SRGAP2C: variants seen among roughly 807,000 people sequenced by gnomAD.
SRGAP2C encodes the protein SLIT-ROBO Rho GTPase activating protein 2C, also known as SLIT-ROBO Rho GTPase-activating protein 2C.
SRGAP2C carries 15 observed loss-of-function variants against 25.1 expected under a neutral mutation model. The observed-to-expected ratio is 0.60, with a 90% CI of 0.40 to 0.92. The LOEUF (loss-of-function observed/expected upper bound fraction) is 0.92. SRGAP2C is among the 40% of genes least tolerant of loss of function. SRGAP2C has a pLI of 0.00. For synonymous variants in SRGAP2C, 44 were observed against 96.6 expected, an observed-to-expected ratio of 0.46 and a Z score of 3.19; for missense variants, 144 against 264.4, an observed-to-expected ratio of 0.54 and a Z score of 3.16.
chr1:121,370,588 C>A (rs1198716157), intron 5 of SRGAP2C, among the ~76,000 whole-genome samples: 27 of 149,968 alleles, frequency 1.8e-4, no homozygotes, highest in African/African-American at 6.6e-4. Flanking sequence ...ACTACAGGCA[C>A]CCGCCACCAC....
chr1:121,213,305 C>T, intron 2 of SRGAP2C, among the ~76,000 whole-genome samples: 1 of 150,450 alleles, frequency 6.6e-6, no homozygotes, highest in East Asian at 2.0e-4. Context: ...CTCTGCCTCC[C>T]AAAGTGTTGG....
At chr1:121,308,597 T>A (rs1360778328) in intron 3 of SRGAP2C, among the ~76,000 whole-genome samples, 1 of 151,644 alleles carries the variant, frequency 6.6e-6, no homozygotes, top group Non-Finnish European at 1.5e-5. Flanking sequence ...ACCATGGTCA[T>A]GCCCCTGTAC....
chr1:121,203,184 ACATT>A (rs1388820383), intron 2 of SRGAP2C, among the ~76,000 whole-genome samples: 1 of 151,842 alleles, frequency 6.6e-6, no homozygotes, highest in Admixed American at 6.6e-5. Context: ...TTTGGAGGGG[ACATT>A]CAAACAATAG....
intron 2 of SRGAP2C, among the ~76,000 whole-genome samples, chr1:121,249,574 ATATATATTTTTTTT>A (rs1445307346): frequency 9.7e-4 from 20 of 20,518 alleles, no homozygotes; most frequent in African/African-American, 3.4e-3. Context: ...ATATATATAT[ATATATATTTTTTTT>A]TTTTTTTTTT....
intron 3 of SRGAP2C, among the ~76,000 whole-genome samples, chr1:121,315,501 C>T (rs1658077216): frequency 3.3e-5 from 5 of 151,470 alleles, no homozygotes; most frequent in African/African-American, 7.3e-5. Flanking sequence ...GACCTGAACT[C>T]GCTAATTTGA....
chr1:121,379,255 G>A (rs1224275927), intron 7 of SRGAP2C, among the ~76,000 whole-genome samples: 56 of 152,188 alleles, frequency 3.7e-4, no homozygotes, highest in Admixed American at 1.8e-3. Context: ...GCCTTGTGGA[G>A]TCTCTGGGTG....
Position 121,279,452 on chromosome 1 carries a change from T to C in SRGAP2C, c.68-5351T>C, listed in dbSNP as rs1415505124. Among the ~76,000 whole-genome samples the C allele has an allele frequency of 1.1e-4, 16 of 148,848 alleles. No individual in the cohort carries two copies. The Admixed American group carries it at 1.1e-3, about 10-fold the overall frequency. On this transcript the variant is annotated intron_variant, in intron 2 of 9. Coordinates refer to ENST00000367123, the MANE Select transcript of SRGAP2C (RefSeq NM_001329984.2). Reference sequence around the variant, plus strand: ...GCAGTTTTCAGAGGACTGTGTCATCTGCATTGGCAGGTGTTGTAATTTGGA... The same window carrying C: ...GCAGTTTTCAGAGGACTGTGTCATCCGCATTGGCAGGTGTTGTAATTTGGA...
intron 2 of SRGAP2C, among the ~76,000 whole-genome samples, chr1:121,213,988 C>A (rs1332334154): frequency 6.9e-6 from 1 of 143,956 alleles, no homozygotes; most frequent in Admixed American, 6.7e-5. Context: ...GTGAGCTAAG[C>A]AGGTCAGAAA....
intron 3 of SRGAP2C, among the ~76,000 whole-genome samples, chr1:121,287,886 C>T (rs1345212017): frequency 3.9e-4 from 59 of 151,978 alleles, no homozygotes; most frequent in African/African-American, 1.4e-3. Flanking sequence ...TCATTCCTCC[C>T]GGTGGGCTTG....
chr1:121,275,057 C>T (rs1657070523), intron 2 of SRGAP2C, among the ~76,000 whole-genome samples: 2 of 149,966 alleles, frequency 1.3e-5, no homozygotes. Context: ...CACCCAAGGT[C>T]TCAAGAGGTC....
chr1:121,306,126 TA>T (rs1657831386), intron 3 of SRGAP2C, among the ~76,000 whole-genome samples: 2 of 152,064 alleles, frequency 1.3e-5, no homozygotes, highest in African/African-American at 4.8e-5. Context: ...GGTACATTTG[TA>T]GGTCAAATAA....
intron 5 of SRGAP2C, among the ~76,000 whole-genome samples, chr1:121,370,443 T>C (rs1161758751): frequency 7.7e-6 from 1 of 130,000 alleles, no homozygotes; most frequent in African/African-American, 2.9e-5. Context: ...GACTTCCTTT[T>C]TTTTTTTTTT....
At chr1:121,267,926 A>G (rs1205350918) in intron 2 of SRGAP2C, among the ~76,000 whole-genome samples, 2 of 151,906 alleles carry the variant, frequency 1.3e-5, no homozygotes, top group African/African-American at 4.8e-5. Context: ...ATTCAAGCAA[A>G]ACTGTAAAGT....
intron 3 of SRGAP2C, among the ~76,000 whole-genome samples, chr1:121,304,147 C>T (rs1553339193): frequency 6.8e-6 from 1 of 146,104 alleles, no homozygotes; most frequent in African/African-American, 2.5e-5. Context: ...GGAGGTGGAG[C>T]TTGCAGTGAG....
rs199814926 is a variant in SRGAP2C at position 121,231,588 on chromosome 1, G to A, written c.67+44075G>A. On this transcript the variant is annotated intron_variant, in intron 2 of 9. Coordinates refer to ENST00000367123, the MANE Select transcript of SRGAP2C (RefSeq NM_001329984.2). ...ATTGGGGTTAAGCCACAGATTTAGC[G>A]TTATTAGTACCACTCTTTAATCATA... 1.8e-3 allele frequency among the ~76,000 whole-genome samples: 277 copies of A among 151,140 alleles called. 6 individuals are homozygous for A. Among genetic ancestry groups the A allele is most frequent in the Non-Finnish European group, 1.8e-3 (122 of 67,938 alleles).
At chr1:121,338,648 CAGTT>C (rs1303435912) in intron 4 of SRGAP2C, among the ~76,000 whole-genome samples, 2 of 123,232 alleles carry the variant, frequency 1.6e-5, no homozygotes, top group Admixed American at 1.8e-4. Flanking sequence ...ATGAAACTTC[CAGTT>C]ATAGATTAAT....
chr1:121,281,550 GGA>G (rs1411001918), intron 2 of SRGAP2C, among the ~76,000 whole-genome samples: 6 of 128,548 alleles, frequency 4.7e-5, no homozygotes, highest in African/African-American at 5.9e-5. Context: ...TTTTTTTCCT[GGA>G]TCAGGGGTGG....
intron 4 of SRGAP2C, among the ~76,000 whole-genome samples, chr1:121,335,271 G>A (rs1306522333): frequency 6.8e-6 from 1 of 147,604 alleles, no homozygotes; most frequent in Non-Finnish European, 1.5e-5. Flanking sequence ...AACCCGGAAG[G>A]TGGAGTTTGC....
At chr1:121,196,398 T>G (rs1390068731) in intron 2 of SRGAP2C, among the ~76,000 whole-genome samples, 2 of 83,402 alleles carry the variant, frequency 2.4e-5, no homozygotes, top group Non-Finnish European at 4.8e-5. Flanking sequence ...TCTCTCTATT[T>G]CACCCACACA....
Sources: gnomAD v4.1 joint callset for allele counts (sites outside exome capture counted in the v4.1 genomes callset) on GRCh38, gnomAD v4.1.1 for gene constraint, MANE v1.5 for transcripts, NCBI Gene and HGNC (gene_info 2026-07-23, HGNC 2026-07-21) for gene names.